Variants in MYO1D observed in about 807,000 individuals in gnomAD.
MYO1D encodes the protein unconventional myosin-Id.
A neutral mutation model predicts 122.0 loss-of-function variants in MYO1D; 83 were observed. That is an observed-to-expected ratio of 0.68 (90% CI 0.57 to 0.82). The LOEUF (loss-of-function observed/expected upper bound fraction) is 0.82. Ranked by LOEUF, MYO1D falls within the 40% of genes least tolerant of loss-of-function variation. MYO1D has a pLI of 0.00. For synonymous variants in MYO1D, 464 were observed against 446.9 expected, an observed-to-expected ratio of 1.04 and a Z score of -0.48; for missense variants, 1,157 against 1,269.5, an observed-to-expected ratio of 0.91 and a Z score of 1.35.
chr17:32,666,396 C>T (rs1270199744), intron 16 of MYO1D, among the ~76,000 whole-genome samples: 5 of 152,182 alleles, frequency 3.3e-5, no homozygotes, highest in East Asian at 1.9e-4. Context: ...TATTTGTCCT[C>T]GTAGGTTTAT....
rs535303667 is a variant in MYO1D at position 32,561,209 on chromosome 17, T to A, written c.2864+43878A>T. On this transcript the variant is annotated intron_variant, in intron 21 of 21. Coordinates refer to ENST00000318217, the MANE Select transcript of MYO1D (RefSeq NM_015194.3). ...TACAGGTGTGAGCCACAAAGCCCAG[T>A]CTAGCTGGTGAATCTTTCAAAGAGA... 1.3e-3 allele frequency among the ~76,000 whole-genome samples: 192 copies of A among 152,166 alleles called. 1 individual carries two copies. The highest frequency in any genetic ancestry group is 3.3e-3 in the Admixed American group (51 of 15,262).
intron 15 of MYO1D, among the ~76,000 whole-genome samples, chr17:32,718,836 T>C (rs1463324894): frequency 6.6e-6 from 1 of 152,238 alleles, no homozygotes; most frequent in African/African-American, 2.4e-5. Flanking sequence ...AACATTGTCA[T>C]GGACCTCCTC....
chr17:32,550,100 A>ATT (rs35465683), intron 21 of MYO1D, among the ~76,000 whole-genome samples: 21 of 143,114 alleles, frequency 1.5e-4, no homozygotes, highest in South Asian at 6.7e-4. Flanking sequence ...TTGAGCTATA[A>ATT]TTTTTTTTTT....
chr17:32,604,052 A>C (rs930694700), intron 21 of MYO1D, among the ~76,000 whole-genome samples: 8 of 152,224 alleles, frequency 5.3e-5, no homozygotes, highest in Non-Finnish European at 1.2e-4. Flanking sequence ...ATAACATAAA[A>C]TAAATGGTCT....
chr17:32,526,901 A>C (rs1910361331), intron 21 of MYO1D, among the ~76,000 whole-genome samples: 1 of 152,126 alleles, frequency 6.6e-6, no homozygotes, highest in Admixed American at 6.5e-5. Context: ...ACTGTTTTTC[A>C]TTTTCTTTCA....
chr17:32,659,442 T>C, intron 16 of MYO1D, 104 bp from the exon 17 acceptor site: 1 of 1,192,072 alleles, frequency 8.4e-7, no homozygotes, highest in Non-Finnish European at 1.2e-6. Context: ...ACCAGGCAAC[T>C]TGCAAGTGTG....
intron 21 of MYO1D, among the ~76,000 whole-genome samples, chr17:32,573,698 T>C (rs770205825): frequency 3.7e-4 from 57 of 152,294 alleles, no homozygotes; most frequent in Non-Finnish European, 7.4e-4. Context: ...TTATTTATTT[T>C]TTATTTTTTA....
At chr17:32,753,837 G>T (rs1036785275) in intron 11 of MYO1D, among the ~76,000 whole-genome samples, 2 of 151,752 alleles carry the variant, frequency 1.3e-5, no homozygotes, top group African/African-American at 4.8e-5. Flanking sequence ...GGCGGAGGTT[G>T]CAGTGAGCCA....
At chr17:32,544,627 A>C (rs996311859) in intron 21 of MYO1D, among the ~76,000 whole-genome samples, 7 of 152,358 alleles carry the variant, frequency 4.6e-5, no homozygotes, top group Middle Eastern at 3.4e-3. Context: ...GGATAGAACA[A>C]CACCTCTCAG....
At chr17:32,855,004 T>C (rs935919822) in intron 1 of MYO1D, among the ~76,000 whole-genome samples, 3 of 152,164 alleles carry the variant, frequency 2.0e-5, no homozygotes, top group African/African-American at 7.2e-5. Context: ...ACTCTTGCAG[T>C]CTCTGCAAAT....
At chr17:32,685,801 T>C (rs756227665) in intron 16 of MYO1D, among the ~76,000 whole-genome samples, 8 of 152,248 alleles carry the variant, frequency 5.3e-5, no homozygotes, top group Non-Finnish European at 1.2e-4. Context: ...GTTATTGTCA[T>C]CTACAGAGAA....
chr17:32,826,063 A>AAG (rs1420172396), intron 1 of MYO1D, among the ~76,000 whole-genome samples: 3 of 151,548 alleles, frequency 2.0e-5, no homozygotes, highest in Non-Finnish European at 4.4e-5. Context: ...AAAAAAAAAA[A>AAG]AAAAAAGTGT....
Position 32,566,141 on chromosome 17 carries a change from C to T in MYO1D, c.2864+38946G>A, listed in dbSNP as rs146453788. Among the ~76,000 whole-genome samples the T allele has an allele frequency of 4.7e-3, 716 of 152,248 alleles. 7 individuals carry two copies. The highest frequency in any genetic ancestry group is 0.015 in the African/African-American group (640 of 41,538). On this transcript the variant is annotated intron_variant, in intron 21 of 21. Coordinates refer to ENST00000318217, the MANE Select transcript of MYO1D (RefSeq NM_015194.3). ...GTGCTTCTAGACGGGGAGGTAGACA[C>T]AGTCCTCCCCTCATGTGCTCCTTAT...
chr17:32,690,168 T>C (rs12601547), intron 16 of MYO1D, among the ~76,000 whole-genome samples: 4,245 of 151,998 alleles, frequency 0.028, 138 homozygotes, highest in East Asian at 0.19. Context: ...GGGGTATCCG[T>C]TCCCTTGAGT....
intron 21 of MYO1D, among the ~76,000 whole-genome samples, chr17:32,502,365 AC>A (rs1340100585): frequency 6.6e-6 from 1 of 152,212 alleles, no homozygotes; most frequent in East Asian, 1.9e-4. Context: ...AGGCAAAGCC[AC>A]GGAGGCAGAA....
chr17:32,845,724 A>G (rs1361082849), intron 1 of MYO1D, among the ~76,000 whole-genome samples: 1 of 152,216 alleles, frequency 6.6e-6, no homozygotes, highest in Admixed American at 6.5e-5. Flanking sequence ...CCACATTTTA[A>G]GGGCCCAATT....
chr17:32,615,268 A>T (rs940177657), intron 20 of MYO1D, among the ~76,000 whole-genome samples: 2 of 152,178 alleles, frequency 1.3e-5, no homozygotes, highest in Non-Finnish European at 2.9e-5. Flanking sequence ...CTTCAAGAGG[A>T]GGTCAGTGAG....
chr17:32,675,087 A>G (rs546109012), intron 16 of MYO1D, among the ~76,000 whole-genome samples: 7 of 152,348 alleles, frequency 4.6e-5, no homozygotes, highest in Admixed American at 6.5e-5. Flanking sequence ...AACACAATTA[A>G]CTATGAAGAC....
intron 19 of MYO1D, among the ~76,000 whole-genome samples, chr17:32,642,842 T>G (rs1344223423): frequency 6.6e-6 from 1 of 152,192 alleles, no homozygotes; most frequent in Admixed American, 6.5e-5. Context: ...CATGGGGTTT[T>G]CTAGATATAC....
Sources: gnomAD v4.1 joint callset for allele counts (sites outside exome capture counted in the v4.1 genomes callset) on GRCh38, gnomAD v4.1.1 for gene constraint, MANE v1.5 for transcripts, NCBI Gene and HGNC (gene_info 2026-07-23, HGNC 2026-07-21) for gene names.